The following ZC3H7A variants were observed in gnomAD, a reference collection of about 807,000 sequenced individuals.
ZC3H7A encodes zinc finger CCCH-type containing 7A.
ZC3H7A carries 44 observed loss-of-function variants against 125.5 expected under a neutral mutation model. The observed-to-expected ratio is 0.35, with a 90% CI of 0.28 to 0.45. ZC3H7A has a LOEUF of 0.45. Ranked by LOEUF, ZC3H7A falls within the 20% of genes least tolerant of loss-of-function variation. ZC3H7A has a pLI of 1.00. For missense variants in ZC3H7A, 977 were observed against 1,170.7 expected, an observed-to-expected ratio of 0.83 and a Z score of 2.41; for synonymous variants, 399 against 391.2, an observed-to-expected ratio of 1.02 and a Z score of -0.23.
chr16:11,773,017 C>A (rs1165965912), intron 9 of ZC3H7A, among the ~76,000 whole-genome samples: 3 of 151,838 alleles, frequency 2.0e-5, no homozygotes, highest in Non-Finnish European at 4.4e-5. Flanking sequence ...CAGGGATGGA[C>A]ACTAAGTATT....
intron 10 of ZC3H7A, 21 bp downstream of exon 10, chr16:11,770,762 C>T (rs745407423): frequency 3.2e-6 from 5 of 1,584,234 alleles, no homozygotes; most frequent in Non-Finnish European, 2.6e-6. Context: ...CAATTGTTTA[C>T]AATTTAGATT....
intron 1 of ZC3H7A, among the ~76,000 whole-genome samples, chr16:11,785,595 C>T (rs986420424): frequency 1.3e-5 from 2 of 151,800 alleles, no homozygotes; most frequent in Non-Finnish European, 2.9e-5. Flanking sequence ...AAAGATGAGG[C>T]ATTTAAGTAT....
chr16:11,782,908 C>CT (rs2053197450), intron 1 of ZC3H7A: 1 of 153,194 alleles, frequency 6.5e-6, no homozygotes, highest in South Asian at 2.0e-4. Context: ...GCCACAGCGC[C>CT]TGGCCAGTTT....
intron 4 of ZC3H7A, among the ~76,000 whole-genome samples, 174 bp downstream of exon 4, chr16:11,778,992 G>C (rs1282212410): frequency 6.6e-6 from 1 of 152,110 alleles, no homozygotes; most frequent in Non-Finnish European, 1.5e-5. Context: ...GATTACAGGC[G>C]TGAGCCACCG....
At chr16:11,786,015 C>T (rs2053251857) in intron 1 of ZC3H7A, among the ~76,000 whole-genome samples, 1 of 152,166 alleles carries the variant, frequency 6.6e-6, no homozygotes, top group South Asian at 2.1e-4. Flanking sequence ...GAGACTACAG[C>T]AGTAGTAGAA....
intron 20 of ZC3H7A, among the ~76,000 whole-genome samples, chr16:11,757,931 C>T (rs1266765881): frequency 1.3e-5 from 2 of 152,178 alleles, no homozygotes; most frequent in Non-Finnish European, 2.9e-5. Context: ...AAGTGAAAGG[C>T]TGTCTGCGGC....
At position 11,769,024 on chromosome 16, in the gene ZC3H7A, C is replaced by A; in HGVS notation, c.1173+7G>T. On this transcript the variant is annotated splice_region_variant and intron_variant, in intron 11 of 22. Coordinates refer to ENST00000355758, the MANE Select transcript of ZC3H7A (RefSeq NM_014153.4). The stretch of plus-strand genomic sequence containing the variant: ...GATGTATTTACAAAAGAGGAAGTGG[C>A]ACTTACAAGTAAAAGGGAAGAATTA... The A allele has an allele frequency of 6.2e-7, 1 of 1,601,858 alleles. No homozygotes were observed. Among genetic ancestry groups the A allele is most frequent in the Non-Finnish European group, 8.5e-7 (1 of 1,175,710 alleles).
At position 11,776,514 on chromosome 16, in the gene ZC3H7A, GT is replaced by G. The variant is rs1451976111; in HGVS notation, c.483del (p.Lys161AsnfsTer2). ...AATTTCTGAGCTAGTTCTTGAGTTA[GT>G]TTTATTACATGCTCATCCTGAAAAA... Reference protein sequence around the residue: ...LAVPQDEHVIKLTQELAQKLG... With the variant: ...LAVPQDEHVIXLTQELAQKLG... On this transcript the variant is annotated frameshift_variant, in exon 6 of 23. Transcript: ENST00000355758. LOFTEE classifies it high-confidence loss of function. The G allele has an allele frequency of 6.2e-7, 1 of 1,610,608 alleles. No individual in the cohort carries two copies.
At chr16:11,772,413 G>A (rs533713792) in intron 9 of ZC3H7A, among the ~76,000 whole-genome samples, 8 of 151,706 alleles carry the variant, frequency 5.3e-5, no homozygotes, top group Non-Finnish European at 8.8e-5. Flanking sequence ...CGCACCTTAC[G>A]TTATGGTATC....
At chr16:11,762,994 A>G in intron 16 of ZC3H7A, 1 of 401,152 alleles carries the variant, frequency 2.5e-6, no homozygotes, top group Non-Finnish European at 4.5e-6. Context: ...GTAATTAATG[A>G]CATGAGAACA....
chr16:11,786,999 A>G (rs982555550), intron 1 of ZC3H7A, among the ~76,000 whole-genome samples: 5 of 152,194 alleles, frequency 3.3e-5, no homozygotes, highest in Non-Finnish European at 7.3e-5. Flanking sequence ...TAAAACACGC[A>G]AATCTTAATG....
At chr16:11,795,522 T>G (rs2053422967) in intron 1 of ZC3H7A, among the ~76,000 whole-genome samples, 1 of 152,218 alleles carries the variant, frequency 6.6e-6, no homozygotes, top group Non-Finnish European at 1.5e-5. Flanking sequence ...CTGCAACCTC[T>G]GCCTCCCGGT....
chr16:11,763,358 C>T (rs1216871637), intron 16 of ZC3H7A, 120 bp downstream of exon 16: 2 of 1,021,548 alleles, frequency 2.0e-6, no homozygotes, highest in East Asian at 5.4e-5. Flanking sequence ...ATCCATCTGC[C>T]TCAGCCTCCC....
intron 1 of ZC3H7A, among the ~76,000 whole-genome samples, chr16:11,790,721 T>C (rs1431427792): frequency 1.3e-5 from 2 of 151,968 alleles, no homozygotes; most frequent in Admixed American, 6.6e-5. Context: ...GTATTTTTAG[T>C]AGAGATGAGG....
At chr16:11,767,152 T>A (rs750005599) in intron 13 of ZC3H7A, among the ~76,000 whole-genome samples, 3 of 152,194 alleles carry the variant, frequency 2.0e-5, no homozygotes, top group African/African-American at 7.2e-5. Flanking sequence ...ACCTTTCCTA[T>A]GTTTAGATAC....
chr16:11,789,070 G>A (rs1380175324), intron 1 of ZC3H7A, among the ~76,000 whole-genome samples: 1 of 152,070 alleles, frequency 6.6e-6, no homozygotes. Context: ...ACCCAGTGAG[G>A]CCCATAGTTT....
chr16:11,763,391 G>A (rs947687130), intron 16 of ZC3H7A, 87 bp downstream of exon 16: 24 of 1,371,704 alleles, frequency 1.7e-5, no homozygotes, highest in African/African-American at 2.9e-5. Context: ...TTACAGGCAT[G>A]AGCCACCACG....
Position 11,776,857 on chromosome 16 carries a change from G to T in ZC3H7A, c.359C>A (p.Ala120Asp), listed in dbSNP as rs371443478. 6.2e-7 allele frequency: 1 copy of T among 1,613,452 alleles called. No homozygotes were observed. The highest frequency in any genetic ancestry group is 8.5e-7 in the Non-Finnish European group (1 of 1,179,840). The change falls in exon 5 of 23, where the codon GCC becomes GAC. Residue 120 changes from alanine (A) to aspartate (D), a missense_variant. By Grantham distance (126) the Ala-to-Asp change is moderately radical. Transcript: ENST00000355758. ...EDCNIVLSLNASNCKALYRKS... is the reference protein window; with the variant it reads ...EDCNIVLSLNDSNCKALYRKS... ...CCGATACAGAGCTTTGCAGTTACTGGCATTTAAACTGAGGACTATATTGCA... is the reference window on the plus strand; with the variant it reads ...CCGATACAGAGCTTTGCAGTTACTGTCATTTAAACTGAGGACTATATTGCA...
At chr16:11,752,918 G>C in intron 21 of ZC3H7A, 86 bp from the exon 22 acceptor site, 8 of 1,516,824 alleles carry the variant, frequency 5.3e-6, no homozygotes, top group East Asian at 2.3e-5. Flanking sequence ...TGGTGGGAGA[G>C]CCAGGCAAGA....
Sources: allele counts gnomAD v4.1 joint callset (sites outside exome capture counted in the v4.1 genomes callset), GRCh38; gene constraint gnomAD v4.1.1; transcripts MANE v1.5; gene names NCBI Gene and HGNC (gene_info 2026-07-23, HGNC 2026-07-21).